NALF1: variants seen among roughly 807,000 people sequenced by gnomAD.
NALF1 encodes NALCN channel auxiliary factor 1, also known as family with sequence similarity 155 member A.
A neutral mutation model predicts 48.4 loss-of-function variants in NALF1; 3 were observed. The ratio of observed to expected loss-of-function variants is 0.06; its 90% CI spans 0.03 to 0.16. The LOEUF (loss-of-function observed/expected upper bound fraction) is 0.16. Ranked by LOEUF, NALF1 falls within the 10% of genes least tolerant of loss-of-function variation. The probability of loss-of-function intolerance (pLI) is 1.00; values close to 1 mark genes in which losing one functional copy is unlikely to be tolerated. For missense variants in NALF1, 526 were observed against 571.5 expected (o/e 0.92, Z 0.81); for synonymous variants, 262 against 245.7 (o/e 1.07, Z -0.62).
intron 1 of NALF1, among the ~76,000 whole-genome samples, chr13:107,780,863 T>A (rs1217185129): frequency 6.6e-6 from 1 of 152,216 alleles, no homozygotes; most frequent in Non-Finnish European, 1.5e-5. Flanking sequence ...GACTTCATAA[T>A]CTTTTTGTAG....
chr13:107,277,363 G>C (rs114421417), intron 1 of NALF1, among the ~76,000 whole-genome samples: 2,283 of 152,096 alleles, frequency 0.015, 64 homozygotes, highest in African/African-American at 0.052. Flanking sequence ...TCTCAATTTT[G>C]CCTCAATTTT....
chr13:107,312,223 C>G (rs1882060155), intron 1 of NALF1, among the ~76,000 whole-genome samples: 1 of 152,096 alleles, frequency 6.6e-6, no homozygotes, highest in African/African-American at 2.4e-5. Flanking sequence ...ACATATACAC[C>G]ATGGAATACT....
intron 1 of NALF1, among the ~76,000 whole-genome samples, chr13:107,861,446 A>C (rs1243874098): frequency 6.6e-6 from 1 of 152,220 alleles, no homozygotes; most frequent in African/African-American, 2.4e-5. Flanking sequence ...TTTGGTTCAA[A>C]ATTTAAGTGA....
chr13:107,661,292 A>G (rs1437557519), intron 1 of NALF1, among the ~76,000 whole-genome samples: 6 of 152,218 alleles, frequency 3.9e-5, no homozygotes, highest in African/African-American at 1.4e-4. Context: ...TCATCACTAG[A>G]AATGGGTGCT....
At chr13:107,225,572 T>C (rs964330109) in intron 1 of NALF1, among the ~76,000 whole-genome samples, 12 of 148,598 alleles carry the variant, frequency 8.1e-5, no homozygotes, top group African/African-American at 2.7e-4. Context: ...CCACAGAACC[T>C]GGCCTCAGGT....
intron 1 of NALF1, among the ~76,000 whole-genome samples, chr13:107,540,966 A>C (rs2139119229): frequency 6.6e-6 from 1 of 152,272 alleles, no homozygotes; most frequent in South Asian, 2.1e-4. Context: ...TACCCCTGTT[A>C]AATTAACTTT....
intron 1 of NALF1, among the ~76,000 whole-genome samples, chr13:107,377,194 C>A (rs1883354447): frequency 6.6e-6 from 1 of 152,164 alleles, no homozygotes; most frequent in African/African-American, 2.4e-5. Context: ...TCCTTAGGAC[C>A]CGGTGCTGAT....
intron 1 of NALF1, among the ~76,000 whole-genome samples, chr13:107,544,100 T>G (rs1877071012): frequency 6.6e-6 from 1 of 152,142 alleles, no homozygotes; most frequent in Non-Finnish European, 1.5e-5. Flanking sequence ...TCTGCTAGAA[T>G]TAATGAGATA....
intron 1 of NALF1, among the ~76,000 whole-genome samples, chr13:107,366,755 T>C (rs1169257260): frequency 1.3e-5 from 2 of 152,264 alleles, no homozygotes; most frequent in Admixed American, 6.5e-5. Context: ...ACATCCCATG[T>C]TGTCAGGGAC....
At position 107,770,287 on chromosome 13, in the gene NALF1, T is replaced by C. The variant is rs113936048; in HGVS notation, c.915+95395A>G. On this transcript the variant is annotated intron_variant, in intron 1 of 2. Transcript: ENST00000375915. ...TCTAAGACGTTCTTTTGATTACTTA[T>C]GCTGTTTGGAGCTGCCTAAAATTCA... Among the ~76,000 whole-genome samples the C allele has an allele frequency of 1.1e-4, 16 of 152,330 alleles. 1 individual carries two copies. Among genetic ancestry groups the C allele is most frequent in the African/African-American group, 2.6e-4 (11 of 41,588 alleles).
intron 1 of NALF1, among the ~76,000 whole-genome samples, chr13:107,818,702 C>T (rs2138614432): frequency 6.7e-6 from 1 of 150,328 alleles, no homozygotes; most frequent in Middle Eastern, 3.5e-3. Context: ...GAAACCCCGT[C>T]TCTACTAAAA....
intron 1 of NALF1, among the ~76,000 whole-genome samples, chr13:107,644,657 A>ATATATATATATATATG (rs879682183): frequency 0.063 from 8,614 of 137,068 alleles, 636 homozygotes; most frequent in Admixed American, 0.13. Flanking sequence ...ATATATATAT[A>ATATATATATATATATG]TATATATATG....
chr13:107,298,677 G>A (rs913037498), intron 1 of NALF1, among the ~76,000 whole-genome samples: 2 of 151,944 alleles, frequency 1.3e-5, no homozygotes, highest in African/African-American at 2.4e-5. Flanking sequence ...GGATCCACCC[G>A]CCTCAGCCTC....
intron 1 of NALF1, among the ~76,000 whole-genome samples, chr13:107,766,265 T>C (rs137965931): frequency 1.5e-3 from 221 of 152,284 alleles, no homozygotes; most frequent in African/African-American, 4.0e-3. Flanking sequence ...ACAATAGATA[T>C]AATTCATTTT....
At chr13:107,176,771 T>A (rs1451395380) in intron 2 of NALF1, among the ~76,000 whole-genome samples, 1 of 152,114 alleles carries the variant, frequency 6.6e-6, no homozygotes, top group Non-Finnish European at 1.5e-5. Flanking sequence ...CAGAATTCAT[T>A]ATCAGGGGAA....
chr13:107,618,970 T>C (rs1934118136), intron 1 of NALF1, among the ~76,000 whole-genome samples: 1 of 152,204 alleles, frequency 6.6e-6, no homozygotes, highest in African/African-American at 2.4e-5. Flanking sequence ...GGATCCTCAC[T>C]ATCCAATATC....
chr13:107,329,506 T>G (rs1340596228), intron 1 of NALF1, among the ~76,000 whole-genome samples: 1 of 151,956 alleles, frequency 6.6e-6, no homozygotes, highest in Admixed American at 6.6e-5. Flanking sequence ...TTTTTAAATT[T>G]TATTATTATT....
chr13:107,514,421 A>ATGTC (rs1555305738), intron 1 of NALF1, among the ~76,000 whole-genome samples: 1 of 148,646 alleles, frequency 6.7e-6, no homozygotes, highest in Non-Finnish European at 1.5e-5. Flanking sequence ...AGCTTCTCCT[A>ATGTC]TATCTATCTA....
Position 107,866,845 on chromosome 13 carries a change from C to A in NALF1, c.-249G>T, listed in dbSNP as rs1483728331. The A allele has an allele frequency of 5.6e-6, 3 of 537,818 alleles. No homozygotes were observed. The highest frequency in any genetic ancestry group is 1.9e-5 in the African/African-American group (1 of 51,884). The allele number at this position is 537,818 out of a possible 1,614,324, so 33.3% of individuals were successfully genotyped here. A position where few individuals can be genotyped will look rare whatever the true frequency, so the allele number is the denominator to read the frequency against. ...TACCAGGCTTTGAAGGAAGGTCTGA[C>A]TTGCTTCCTAATCATCAGCCGACCC... On this transcript the variant is annotated 5_prime_UTR_variant, in exon 1 of 3. Transcript: ENST00000375915. This position sits in a 1 kb window ranked among gnomAD's most constrained non-coding sequence, Gnocchi z 4.4.
Sources: gnomAD v4.1 joint callset for allele counts (sites outside exome capture counted in the v4.1 genomes callset) on GRCh38, gnomAD v4.1.1 for gene constraint, Gnocchi (gnomAD v3.1) non-coding constraint, MANE v1.5 for transcripts, NCBI Gene and HGNC (gene_info 2026-07-23, HGNC 2026-07-21) for gene names.